Variants in ATP2B2 observed in about 807,000 individuals in gnomAD.
ATP2B2 encodes plasma membrane calcium-transporting ATPase 2.
In ATP2B2, 15 loss-of-function variants were observed where a neutral mutation model predicts 120.0. That is an observed-to-expected ratio of 0.12 (90% confidence interval 0.08 to 0.19). The LOEUF (loss-of-function observed/expected upper bound fraction) is 0.19, where lower values mean the gene tolerates loss of function less well. Ranked by LOEUF, ATP2B2 falls within the 10% of genes least tolerant of loss-of-function variation. ATP2B2 has a pLI of 1.00. For missense variants in ATP2B2, 1,045 were observed against 1,719.8 expected (o/e 0.61, Z 6.94); for synonymous variants, 694 against 700.3 (o/e 0.99, Z 0.14).
chr3:10,597,105 A>G (rs1348427445), intron 2 of ATP2B2, among the ~76,000 whole-genome samples: 1 of 150,962 alleles, frequency 6.6e-6, no homozygotes, highest in Non-Finnish European at 1.5e-5. Flanking sequence ...GCACAGTCAC[A>G]CATACACGCA....
At chr3:10,683,760 G>GTGTATGTGTATATATATATATA (rs1446781892) in intron 1 of ATP2B2, among the ~76,000 whole-genome samples, 1 of 53,888 alleles carries the variant, frequency 1.9e-5, no homozygotes, top group African/African-American at 5.6e-5. Context: ...GTGTGTGTGT[G>GTGTATGTGTATATATATATATA]TATATATATA....
At chr3:10,379,649 C>G (rs2061476965) in intron 8 of ATP2B2, among the ~76,000 whole-genome samples, 1 of 152,162 alleles carries the variant, frequency 6.6e-6, no homozygotes. Context: ...CCACACCAAG[C>G]TTTTTGTGAC....
intron 2 of ATP2B2, among the ~76,000 whole-genome samples, chr3:10,614,646 A>G (rs1372208242): frequency 1.3e-5 from 2 of 152,128 alleles, no homozygotes; most frequent in East Asian, 3.9e-4. Flanking sequence ...CCTGTGCCTC[A>G]GTTTTGTTGT....
chr3:10,452,316 C>T (rs2064086570), intron 1 of ATP2B2, among the ~76,000 whole-genome samples: 1 of 152,318 alleles, frequency 6.6e-6, no homozygotes, highest in African/African-American at 2.4e-5. Flanking sequence ...GAATGCTCTC[C>T]TCCCCCTGCT....
intron 2 of ATP2B2, among the ~76,000 whole-genome samples, chr3:10,437,353 T>C (rs755103997): frequency 3.9e-5 from 6 of 152,208 alleles, no homozygotes; most frequent in Admixed American, 1.3e-4. Flanking sequence ...TCAGCTCATT[T>C]ATTACTTCTC....
intron 3 of ATP2B2, among the ~76,000 whole-genome samples, chr3:10,408,347 T>A (rs1399892905): frequency 1.3e-5 from 2 of 152,150 alleles, no homozygotes; most frequent in Non-Finnish European, 2.9e-5. Flanking sequence ...TTTGTTTGTT[T>A]GTTTGTTTTT....
chr3:10,490,021 C>T (rs962007407), intron 1 of ATP2B2, among the ~76,000 whole-genome samples: 2 of 152,232 alleles, frequency 1.3e-5, no homozygotes, highest in Non-Finnish European at 2.9e-5. Flanking sequence ...CCTCCCTGGT[C>T]CCCTGTTTTT....
At chr3:10,405,671 G>T (rs548468616) in intron 3 of ATP2B2, among the ~76,000 whole-genome samples, 11 of 152,262 alleles carry the variant, frequency 7.2e-5, no homozygotes, top group Admixed American at 7.2e-4. Context: ...TGGACCTGCG[G>T]CTATAGAGGG....
chr3:10,411,644 G>A (rs572980267), intron 2 of ATP2B2, among the ~76,000 whole-genome samples: 4 of 152,336 alleles, frequency 2.6e-5, no homozygotes, highest in African/African-American at 9.6e-5. Context: ...ATCACATGAG[G>A]TGATTCATGT....
chr3:10,439,060 G>C (rs2063568020), intron 2 of ATP2B2, among the ~76,000 whole-genome samples: 1 of 152,216 alleles, frequency 6.6e-6, no homozygotes, highest in Admixed American at 6.5e-5. Flanking sequence ...GCCAAGGCCT[G>C]GGGCAAAGGG....
intron 1 of ATP2B2, among the ~76,000 whole-genome samples, chr3:10,502,410 C>T (rs189645173): frequency 5.8e-4 from 88 of 152,278 alleles, no homozygotes; most frequent in African/African-American, 2.1e-3. Context: ...AGGGCTGGGC[C>T]CAGGGCTCTC....
At chr3:10,585,833 G>C (rs938613900) in intron 2 of ATP2B2, among the ~76,000 whole-genome samples, 2 of 152,088 alleles carry the variant, frequency 1.3e-5, no homozygotes, top group African/African-American at 4.8e-5. Flanking sequence ...CTGTTTGGTA[G>C]TGCCCTCAAA....
intron 1 of ATP2B2, among the ~76,000 whole-genome samples, chr3:10,644,069 A>G (rs188333672): frequency 2.3e-4 from 35 of 152,276 alleles, no homozygotes; most frequent in Admixed American, 2.0e-3. Context: ...AACTAATACA[A>G]CTCAACAATA....
chr3:10,557,191 G>A (rs770523935), intron 2 of ATP2B2, among the ~76,000 whole-genome samples: 13 of 152,220 alleles, frequency 8.5e-5, no homozygotes, highest in Non-Finnish European at 1.2e-4. Flanking sequence ...TGGGCCCTGG[G>A]TGGCCACTGC....
intron 1 of ATP2B2, among the ~76,000 whole-genome samples, chr3:10,451,900 G>C (rs941740477): frequency 1.3e-5 from 2 of 152,222 alleles, no homozygotes; most frequent in African/African-American, 4.8e-5. Context: ...CATTTCTTAA[G>C]CATCTACTAT....
At chr3:10,627,286 T>C (rs2069730400) in intron 1 of ATP2B2, among the ~76,000 whole-genome samples, 1 of 152,218 alleles carries the variant, frequency 6.6e-6, no homozygotes, top group Non-Finnish European at 1.5e-5. Flanking sequence ...AGCATCAGCA[T>C]GGGCTCCATC....
rs184366408 is a variant in ATP2B2, at chr3:10,623,321, G to T, written c.-459-3360C>A. ...AATACTCCCACCTTGGCCTCCTGAA[G>T]TGCTGGGAATATAGGCCTGAGCCAC... On this transcript the variant is annotated intron_variant, in intron 1 of 21. Transcript: ENST00000646379. 2.6e-5 allele frequency among the ~76,000 whole-genome samples: 4 copies of T among 152,278 alleles called. 1 individual carries two copies. The highest frequency in any genetic ancestry group is 9.6e-5 in the African/African-American group (4 of 41,554).
chr3:10,683,027 A>C lies in ATP2B2; in HGVS notation c.-460+24888T>G, dbSNP rs1375582825. Among the ~76,000 whole-genome samples the C allele has an allele frequency of 3.9e-5, 6 of 152,286 alleles. No homozygotes were observed. The East Asian group carries it at 1.2e-3, about 29-fold the overall frequency. On this transcript the variant is annotated intron_variant, in intron 1 of 21. Transcript: ENST00000646379. Reference sequence around the variant, plus strand: ...AGACAGGGACATAAAACGAATGTGGATACTAATAATAATCATGCAAATGGC... The same window carrying C: ...AGACAGGGACATAAAACGAATGTGGCTACTAATAATAATCATGCAAATGGC...
At chr3:10,397,787 C>T (rs1034197808) in intron 5 of ATP2B2, among the ~76,000 whole-genome samples, 5 of 152,116 alleles carry the variant, frequency 3.3e-5, no homozygotes, top group African/African-American at 1.2e-4. Flanking sequence ...TCCAACATCC[C>T]CACCTGCAGC....
Sources: allele counts gnomAD v4.1 joint callset (sites outside exome capture counted in the v4.1 genomes callset), GRCh38; gene constraint gnomAD v4.1.1; transcripts MANE v1.5; gene names NCBI Gene and HGNC (gene_info 2026-07-23, HGNC 2026-07-21).